Variants in SLC6A20 observed in about 807,000 individuals in gnomAD.
SLC6A20 encodes the protein sodium- and chloride-dependent transporter XTRP3.
SLC6A20 carries 73 observed loss-of-function variants against 64.3 expected under a neutral mutation model. The observed-to-expected ratio is 1.14, with a 90% CI of 0.94 to 1.38. The LOEUF (loss-of-function observed/expected upper bound fraction) is 1.38, where lower values mean the gene tolerates loss of function less well. Ranked by LOEUF, SLC6A20 falls within the 40% of genes most tolerant of loss-of-function variation. The pLI, the probability that SLC6A20 is intolerant of heterozygous loss-of-function variation, is 0.00. For missense variants in SLC6A20, 725 were observed against 772.8 expected (o/e 0.94, Z 0.73); for synonymous variants, 347 against 329.6 (o/e 1.05, Z -0.57).
At chr3:45,780,202 G>A in intron 2 of SLC6A20, 102 bp from the exon 3 acceptor site, 1 of 1,071,310 alleles carries the variant, frequency 9.3e-7, no homozygotes, top group Non-Finnish European at 1.4e-6. Flanking sequence ...GACCGCCCCG[G>A]GGTGGGCGAG....
chr3:45,761,262 C>G (rs1486708518), intron 9 of SLC6A20, among the ~76,000 whole-genome samples: 1 of 140,934 alleles, frequency 7.1e-6, no homozygotes, highest in Non-Finnish European at 1.5e-5. Context: ...TTGGGAAGAG[C>G]TGGCTGCAGA....
chr3:45,771,531 G>C, intron 5 of SLC6A20, 73 bp from the exon 6 acceptor site: 1 of 1,594,434 alleles, frequency 6.3e-7, no homozygotes, highest in Non-Finnish European at 8.6e-7. Flanking sequence ...CAACAGGAGA[G>C]TAGCCCAGAG....
intron 1 of SLC6A20, among the ~76,000 whole-genome samples, chr3:45,793,225 C>A (rs1268576472): frequency 6.6e-6 from 1 of 152,164 alleles, no homozygotes; most frequent in African/African-American, 2.4e-5. Context: ...TGATTTCCCC[C>A]TCAATATTGC....
chr3:45,775,665 C>G, intron 4 of SLC6A20, 96 bp downstream of exon 4: 3 of 1,223,358 alleles, frequency 2.5e-6, no homozygotes, highest in Non-Finnish European at 3.4e-6. Flanking sequence ...AGGGCACTCC[C>G]TTGGCATTGC....
At chr3:45,795,370 G>C (rs1034299447) in intron 1 of SLC6A20, among the ~76,000 whole-genome samples, 1 of 152,034 alleles carries the variant, frequency 6.6e-6, no homozygotes, top group Non-Finnish European at 1.5e-5. Flanking sequence ...GCTGCGAAGA[G>C]CAACCTTGAA....
In SLC6A20 at chr3:45,781,958, G is replaced by C. The variant is rs1035540403; in HGVS notation, c.262+125C>G. On this transcript the variant is annotated intron_variant, in intron 2 of 10. Coordinates refer to ENST00000358525, the MANE Select transcript of SLC6A20 (RefSeq NM_020208.4). ...CCACCAGGCCATTTGTTCACCCCAGGCAAGAGCTCTCTCTTGGGCCTTGTG... is the reference window on the plus strand; with the variant it reads ...CCACCAGGCCATTTGTTCACCCCAGCCAAGAGCTCTCTCTTGGGCCTTGTG... The C allele has an allele frequency of 3.1e-6, 4 of 1,298,102 alleles. No individual in the cohort carries two copies. The East Asian group carries it at 1.1e-4, about 37-fold the overall frequency. 80.4% of individuals were successfully genotyped at this position (1,298,102 alleles called of 1,614,324 possible).
chr3:45,788,454 A>G (rs1195345770), intron 1 of SLC6A20, among the ~76,000 whole-genome samples: 2 of 152,214 alleles, frequency 1.3e-5, no homozygotes, highest in Non-Finnish European at 2.9e-5. Context: ...GTAGAAAAGT[A>G]CAATCACAAA....
chr3:45,779,948 C>A (rs913801485), intron 3 of SLC6A20, 61 bp downstream of exon 3: 1 of 1,527,370 alleles, frequency 6.5e-7, no homozygotes, highest in Non-Finnish European at 8.9e-7. Flanking sequence ...GAGCGGGTGG[C>A]CCTGTTTTTC....
In SLC6A20 at chr3:45,772,357, C is replaced by A. The variant is rs138101890; in HGVS notation, c.693+148G>T. ...GGTGATCCAGTGACTGCAGGTACTC[C>A]ACACTCCTGCCACACCCTGGTGGGC... On this transcript the variant is annotated intron_variant, in intron 5 of 10. Transcript: ENST00000358525. 209 of 625,642 alleles carry A rather than the reference C, an allele frequency of 3.3e-4. 2 individuals are homozygous for A. Among genetic ancestry groups the A allele is most frequent in the African/African-American group, 3.3e-3 (174 of 53,200 alleles). 38.8% of individuals were successfully genotyped at this position (625,642 alleles called of 1,614,324 possible).
At chr3:45,762,764 A>C in intron 9 of SLC6A20, 149 bp downstream of exon 9, 1 of 989,360 alleles carries the variant, frequency 1.0e-6, no homozygotes, top group Admixed American at 2.2e-5. Context: ...ATAAGCTGAG[A>C]TCTGCGGGCA....
rs1699710567 is a variant in SLC6A20, at chr3:45,762,953, C to A, written c.1423G>T (p.Val475Leu). The A allele has an allele frequency of 6.2e-7, 1 of 1,614,028 alleles. No individual in the cohort carries two copies. The highest frequency in any genetic ancestry group is 8.5e-7 in the Non-Finnish European group (1 of 1,180,038). ...ACGTAGCACACGGCAATCGTCTCCACCAGCACGATGAGCAGCAGGGACAGT... is the reference window on the plus strand; with the variant it reads ...ACGTAGCACACGGCAATCGTCTCCAACAGCACGATGAGCAGCAGGGACAGT... ...ATLSLLLIVLVETIAVCYVYG... is the reference protein window; with the variant it reads ...ATLSLLLIVLLETIAVCYVYG... The change falls in exon 9 of 11, where the codon GTG (valine) becomes TTG (leucine). Residue 475 changes from valine (V) to leucine (L), a missense_variant. Transcript: ENST00000358525.
At chr3:45,796,134 A>G (rs1415182136) in intron 1 of SLC6A20, among the ~76,000 whole-genome samples, 165 bp downstream of exon 1, 1 of 151,950 alleles carries the variant, frequency 6.6e-6, no homozygotes, top group Non-Finnish European at 1.5e-5. Flanking sequence ...CCGGCTCCGG[A>G]ACGAGGTGTC....
At position 45,771,428 on chromosome 3, in the gene SLC6A20, T is replaced by C; in HGVS notation, c.724A>G (p.Ile242Val). 3.1e-6 allele frequency: 5 copies of C among 1,614,158 alleles called. No individual in the cohort carries two copies. The highest frequency in any genetic ancestry group is 3.3e-4 in the Middle Eastern group (2 of 6,062). ...IEQLANPKAW[I>V]NAATQIFFSL... ...AAGAAGATCTGGGTGGCTGCATTGA[T>C]CCAGGCCTTGGGGTTGGCCAGCTGC... The change falls in exon 6 of 11, where the codon ATC becomes GTC. Residue 242 changes from isoleucine to valine, a missense_variant. Physicochemically the swap from Ile to Val is conservative, Grantham distance 29. Coordinates refer to ENST00000358525, the MANE Select transcript of SLC6A20 (RefSeq NM_020208.4).
rs201317367 is a variant in SLC6A20, at chr3:45,765,616, C to T, written c.1224G>A (p.Leu408=). ...MLLMLGIGSM[L]GNTAAILTPL... The stretch of plus-strand genomic sequence containing the variant: ...GGGTGAGGATGGCCGCTGTGTTCCC[C>T]AGCATGCTCCCAATGCCCAGCATCA... Residue 408 remains leucine, a synonymous_variant, in exon 8 of 11, where the codon CTG becomes CTA. Coordinates refer to ENST00000358525, the MANE Select transcript of SLC6A20 (RefSeq NM_020208.4). This position sits in a 1 kb window ranked among gnomAD's most constrained non-coding sequence, Gnocchi z 4.2. 6.2e-7 allele frequency: 1 copy of T among 1,614,184 alleles called. No individual in the cohort carries two copies. Among genetic ancestry groups the T allele is most frequent in the African/African-American group, 1.3e-5 (1 of 75,038 alleles).
chr3:45,770,474 T>A, intron 6 of SLC6A20, 103 bp from the exon 7 acceptor site: 1 of 1,397,606 alleles, frequency 7.2e-7, no homozygotes, highest in South Asian at 1.4e-5. Context: ...GGAAAGGGAG[T>A]CTGTTGCTTG....
Position 45,758,673 on chromosome 3 carries a change from A to G in SLC6A20, c.*305T>C, listed in dbSNP as rs1699592791. ...CCCATAAGAATTATAGTCATATTTC[A>G]GTTTGCAATGTGCCCTAATTCTAGG... On this transcript the variant is annotated 3_prime_UTR_variant, in exon 11 of 11. Transcript: ENST00000358525. The G allele has an allele frequency of 5.9e-6, 7 of 1,179,066 alleles. No individual in the cohort carries two copies. Among genetic ancestry groups the G allele is most frequent in the Non-Finnish European group, 5.3e-6 (5 of 950,228 alleles). 73.0% of individuals were successfully genotyped at this position (1,179,066 alleles called of 1,614,324 possible).
At chr3:45,781,510 G>T (rs1278579614) in intron 2 of SLC6A20, among the ~76,000 whole-genome samples, 2 of 152,202 alleles carry the variant, frequency 1.3e-5, no homozygotes, top group Non-Finnish European at 2.9e-5. Flanking sequence ...TGTCCTGGAA[G>T]TGCCTGGGGC....
In SLC6A20 at chr3:45,758,999, TC is replaced by T; in HGVS notation, c.1757del (p.Gly586GlufsTer35). 1 of 1,610,386 alleles carries T rather than the reference TC, an allele frequency of 6.2e-7. No individual in the cohort carries two copies. The highest frequency in any genetic ancestry group is 8.5e-7 in the Non-Finnish European group (1 of 1,178,196). Reference sequence around the variant, plus strand: ...CATCTCAGGCCACGGGGTCTGCGTCTCCCCTCTTGAGGCGACGCTGAACAAA... The same window carrying T: ...CATCTCAGGCCACGGGGTCTGCGTCTCCCTCTTGAGGCGACGCTGAACAAA... ...GTFVQRRLKRGDADPVA is the reference protein window; with the variant it reads ...GTFVQRRLKRXDADPVA On this transcript the variant is annotated frameshift_variant, in exon 11 of 11. Coordinates refer to ENST00000358525, the MANE Select transcript of SLC6A20 (RefSeq NM_020208.4). LOFTEE classifies it high-confidence loss of function.
At chr3:45,769,237 C>T (rs1699821336) in intron 7 of SLC6A20, among the ~76,000 whole-genome samples, 1 of 152,150 alleles carries the variant, frequency 6.6e-6, no homozygotes, top group Admixed American at 6.5e-5. Flanking sequence ...TTTTAAAAGA[C>T]TTGACTGAAC....
Sources: gnomAD v4.1 joint callset for allele counts (sites outside exome capture counted in the v4.1 genomes callset) on GRCh38, gnomAD v4.1.1 for gene constraint, Gnocchi (gnomAD v3.1) non-coding constraint, MANE v1.5 for transcripts, NCBI Gene and HGNC (gene_info 2026-07-23, HGNC 2026-07-21) for gene names.